WDR64: variants seen among roughly 807,000 people sequenced by gnomAD.
WDR64 encodes WD repeat domain 64, also known as WD repeat-containing protein 64.
Under a neutral mutation model 139.3 loss-of-function variants are expected in WDR64, and 112 were observed. The ratio of observed to expected loss-of-function variants is 0.80; its 90% CI spans 0.69 to 0.94. The LOEUF is 0.94. Ranked by LOEUF, WDR64 falls within the 40% of genes least tolerant of loss-of-function variation. The pLI is 0.00. For missense variants in WDR64, 1,206 were observed against 1,293.1 expected (o/e 0.93, Z 1.03); for synonymous variants, 444 against 437.7 (o/e 1.01, Z -0.18).
intron 6 of WDR64, among the ~76,000 whole-genome samples, chr1:241,682,303 T>A (rs756920971): frequency 1.1e-4 from 17 of 152,228 alleles, no homozygotes; most frequent in Non-Finnish European, 2.1e-4. Context: ...GATTTTTGTA[T>A]AAGGTGAGGG....
chr1:241,670,344 A>T (rs1666178458), intron 2 of WDR64, among the ~76,000 whole-genome samples: 1 of 150,806 alleles, frequency 6.6e-6, no homozygotes, highest in African/African-American at 2.4e-5. Flanking sequence ...CCCAACAGGG[A>T]TAAAGAAAAA....
intron 23 of WDR64, among the ~76,000 whole-genome samples, chr1:241,784,027 A>G (rs1050107004): frequency 7.2e-5 from 11 of 152,358 alleles, no homozygotes; most frequent in African/African-American, 2.6e-4. Context: ...TTTGAAGTAT[A>G]TTAGGGAATT....
intron 9 of WDR64, among the ~76,000 whole-genome samples, chr1:241,723,055 T>C (rs1668666422): frequency 6.6e-6 from 1 of 152,112 alleles, no homozygotes; most frequent in Non-Finnish European, 1.5e-5. Context: ...ACTCATAAAA[T>C]ATTTATGAGA....
intron 8 of WDR64, among the ~76,000 whole-genome samples, chr1:241,699,583 G>T (rs528219908): frequency 1.6e-4 from 24 of 152,238 alleles, no homozygotes; most frequent in African/African-American, 5.8e-4. Flanking sequence ...GATTGTAGGG[G>T]TGGGTGGGGG....
At chr1:241,687,365 A>G in intron 7 of WDR64, 96 bp from the exon 8 acceptor site, 1 of 1,472,940 alleles carries the variant, frequency 6.8e-7, no homozygotes, top group Non-Finnish European at 9.3e-7. Context: ...TGGGTTTAGT[A>G]CAATTCAGTT....
chr1:241,775,168 T>G lies in WDR64; in HGVS notation c.2494T>G (p.Tyr832Asp). Residue 832 changes from tyrosine to aspartate, a missense_variant, in exon 21 of 28, where the codon TAT (tyrosine) becomes GAT (aspartate). Transcript: ENST00000437684. ...TTCTGCCATTTCTCTGACATCGCTG[T>G]ATACTGATTCATGTACGAGGATACT... ...KHSAISLTSLYTDSCTRILLA... is the reference protein window; with the variant it reads ...KHSAISLTSLDTDSCTRILLA... 3 of 1,551,096 alleles carry G rather than the reference T, an allele frequency of 1.9e-6. No individual in the cohort carries two copies. The highest frequency in any genetic ancestry group is 2.6e-6 in the Non-Finnish European group (3 of 1,146,846).
chr1:241,751,124 A>G (rs1233057731), intron 14 of WDR64, among the ~76,000 whole-genome samples: 1 of 152,110 alleles, frequency 6.6e-6, no homozygotes, highest in African/African-American at 2.4e-5. Flanking sequence ...GCCATGTTCC[A>G]GAAGGATATT....
At chr1:241,691,777 G>A (rs1225969861) in intron 8 of WDR64, among the ~76,000 whole-genome samples, 1 of 152,154 alleles carries the variant, frequency 6.6e-6, no homozygotes, top group Admixed American at 6.5e-5. Flanking sequence ...ACTTTGGGGG[G>A]CCAAGGCGGG....
At position 241,796,627 on chromosome 1, in the gene WDR64, G is replaced by A. The variant is rs9428518; in HGVS notation, c.3192+257G>A. ...TCTGCCTCAGCCTCCTAAGTAGCTG[G>A]GATTACAGGCATGCGCCACTGTGTC... On this transcript the variant is annotated intron_variant, in intron 27 of 27. Coordinates refer to ENST00000437684, the MANE Select transcript of WDR64 (RefSeq NM_001367482.1). Among the ~76,000 whole-genome samples the A allele has an allele frequency of 8.2e-3, 1,251 of 152,108 alleles. 8 individuals carry two copies. The highest frequency in any genetic ancestry group is 0.011 in the Non-Finnish European group (782 of 68,004).
chr1:241,674,925 T>C lies in WDR64; in HGVS notation c.483+178T>C, dbSNP rs191294011. On this transcript the variant is annotated intron_variant, in intron 4 of 27. Coordinates refer to ENST00000437684, the MANE Select transcript of WDR64 (RefSeq NM_001367482.1). ...CTTCCTCTTATTCCTTCCTTCCTTC[T>C]TTCCTTCCTCCCTCCCTCCTTCCTT... Among the ~76,000 whole-genome samples, 21 of 53,714 alleles carry C rather than the reference T, an allele frequency of 3.9e-4. 6 individuals carry two copies. The highest frequency in any genetic ancestry group is 8.0e-4 in the East Asian group (2 of 2,506). The allele number at this position is 53,714 out of a possible 152,430, so 35.2% of individuals were successfully genotyped here. A position where few individuals can be genotyped will look rare whatever the true frequency, so the allele number is the denominator to read the frequency against.
intron 10 of WDR64, among the ~76,000 whole-genome samples, chr1:241,733,649 T>TTA (rs1669180896): frequency 6.7e-6 from 1 of 149,988 alleles, no homozygotes; most frequent in South Asian, 2.1e-4. Flanking sequence ...AATTTATTAC[T>TTA]TATATACATA....
chr1:241,752,053 C>T (rs1220992095), intron 14 of WDR64, among the ~76,000 whole-genome samples: 1 of 152,194 alleles, frequency 6.6e-6, no homozygotes, highest in Non-Finnish European at 1.5e-5. Context: ...ATTCTAAAGA[C>T]CCACTTACTT....
intron 9 of WDR64, among the ~76,000 whole-genome samples, chr1:241,718,273 C>G (rs1054006346): frequency 3.9e-5 from 6 of 152,124 alleles, no homozygotes; most frequent in African/African-American, 1.4e-4. Flanking sequence ...TAAAAGAAAG[C>G]TGAAGAAAGC....
chr1:241,725,894 G>A (rs1668813540), intron 10 of WDR64, among the ~76,000 whole-genome samples: 1 of 152,098 alleles, frequency 6.6e-6, no homozygotes, highest in South Asian at 2.1e-4. Context: ...ATGGCATGGT[G>A]CAATGGGGCT....
At chr1:241,670,539 T>C (rs1352351270) in intron 2 of WDR64, among the ~76,000 whole-genome samples, 1 of 152,144 alleles carries the variant, frequency 6.6e-6, no homozygotes, top group East Asian at 1.9e-4. Flanking sequence ...GAAAAATCAG[T>C]AACCGCTCAA....
chr1:241,795,298 G>C lies in WDR64; in HGVS notation c.3078+11G>C. The stretch of plus-strand genomic sequence containing the variant: ...CTGCCTATATACAGTGTGAGTTGGA[G>C]TTTCTAGGAGTAGAGGGGTCACAGA... On this transcript the variant is annotated intron_variant, in intron 26 of 27. Transcript: ENST00000437684. The C allele has an allele frequency of 6.2e-7, 1 of 1,608,870 alleles. No homozygotes were observed. Among genetic ancestry groups the C allele is most frequent in the South Asian group, 1.1e-5 (1 of 90,324 alleles).
intron 2 of WDR64, among the ~76,000 whole-genome samples, chr1:241,661,961 C>A (rs1665849133): frequency 6.6e-6 from 1 of 152,162 alleles, no homozygotes; most frequent in Non-Finnish European, 1.5e-5. Context: ...GGCTGAATGG[C>A]CTGCAGGCCT....
Position 241,783,346 on chromosome 1 carries a change from A to T in WDR64, c.2670A>T (p.Gln890His), listed in dbSNP as rs977629561. The change falls in exon 23 of 28, where the codon CAA becomes CAT. Residue 890 changes from glutamine (Q) to histidine (H), a missense_variant. By Grantham distance (24) the Gln-to-His change is conservative (BLOSUM62 0). Coordinates refer to ENST00000437684, the MANE Select transcript of WDR64 (RefSeq NM_001367482.1). ...AAGTAATCTATGTAGAAGAAAAACA[A>T]GTGGTACTTACTGCCTCCATCGATG... ...IIQVIYVEEK[Q>H]VVLTASIDGS... is the part of the protein sequence containing the mutation. 6.2e-7 allele frequency: 1 copy of T among 1,613,972 alleles called. No homozygotes were observed. Among genetic ancestry groups the T allele is most frequent in the African/African-American group, 1.3e-5 (1 of 74,946 alleles).
At chr1:241,771,634 C>A in intron 18 of WDR64, 27 bp from the exon 19 acceptor site, 1 of 1,465,126 alleles carries the variant, frequency 6.8e-7, no homozygotes, top group South Asian at 1.5e-5. Context: ...TCATGGAAGT[C>A]TTTTCTCTTT....
Sources: allele counts gnomAD v4.1 joint callset (sites outside exome capture counted in the v4.1 genomes callset), GRCh38; gene constraint gnomAD v4.1.1; transcripts MANE v1.5; gene names NCBI Gene and HGNC (gene_info 2026-07-23, HGNC 2026-07-21).